The following DUOX2 variants were observed in gnomAD, a reference collection of about 807,000 sequenced individuals.
The protein encoded by DUOX2 is NADH/NADPH thyroid oxidase p138-tox.
Under a neutral mutation model 183.3 loss-of-function variants are expected in DUOX2, and 185 were observed. That is an observed-to-expected ratio of 1.01 (90% confidence interval 0.90 to 1.14). The LOEUF is 1.14. Ranked by LOEUF, DUOX2 falls within the 50% of genes most tolerant of loss-of-function variation. DUOX2 has a pLI of 0.00. For synonymous variants in DUOX2, 788 were observed against 812.4 expected (o/e 0.97, Z 0.51); for missense variants, 1,999 against 2,022.9 (o/e 0.99, Z 0.23).
chr15:45,105,142 G>A (rs1232840343), intron 18 of DUOX2, among the ~76,000 whole-genome samples: 3 of 152,296 alleles, frequency 2.0e-5, no homozygotes, highest in South Asian at 2.1e-4. Flanking sequence ...TTAAATGCCT[G>A]CAACATACCT....
intron 2 of DUOX2, 44 bp from the exon 3 acceptor site, chr15:45,113,120 T>C (rs747395534): frequency 2.5e-6 from 4 of 1,589,714 alleles, no homozygotes; most frequent in Non-Finnish European, 3.4e-6. Context: ...CGCTCCCAGC[T>C]ACCCCTCCCG....
At chr15:45,101,405 C>T in intron 21 of DUOX2, 131 bp from the exon 22 acceptor site, 1 of 824,814 alleles carries the variant, frequency 1.2e-6, no homozygotes, top group Non-Finnish European at 2.0e-6. Context: ...TCCCTCATTC[C>T]CTAGACTAAG....
chr15:45,095,103 G>C lies in DUOX2; in HGVS notation c.4240-12C>G. 1 of 1,612,518 alleles carries C rather than the reference G, an allele frequency of 6.2e-7. No individual in the cohort carries two copies. Among genetic ancestry groups the C allele is most frequent in the East Asian group, 2.2e-5 (1 of 44,862 alleles). On this transcript the variant is annotated splice_polypyrimidine_tract_variant and intron_variant, in intron 31 of 33. Transcript: ENST00000389039. Reference sequence around the variant, plus strand: ...CAGATGAAGTAGATCTGGGGACACAGGGCTGGAGATCAGGACCCAGCTCAG... The same window carrying C: ...CAGATGAAGTAGATCTGGGGACACACGGCTGGAGATCAGGACCCAGCTCAG...
intron 12 of DUOX2, 139 bp from the exon 13 acceptor site, chr15:45,108,361 C>A: frequency 9.7e-7 from 1 of 1,027,292 alleles, no homozygotes; most frequent in East Asian, 2.6e-5. Flanking sequence ...AGGCAAGCCC[C>A]CTCAGGCAGG....
rs199933166 is a variant in DUOX2 at position 45,095,801 on chromosome 15, G to A, written c.4080+27C>T. The A allele has an allele frequency of 6.8e-4, 1,093 of 1,604,298 alleles. 1 individual carries two copies. Among genetic ancestry groups the A allele is most frequent in the Non-Finnish European group, 8.3e-4 (973 of 1,172,134 alleles). ...GATCCTCTGCCAGTGCCAGAGGCCC[G>A]GAAGCAGGGTTCCCAGTGACGGGCA... On this transcript the variant is annotated intron_variant, in intron 30 of 33. Transcript: ENST00000389039.
chr15:45,099,270 A>G (rs1401318301), intron 26 of DUOX2, 113 bp downstream of exon 26: 1 of 898,900 alleles, frequency 1.1e-6, no homozygotes, highest in African/African-American at 1.7e-5. Flanking sequence ...TCGGCCTCCC[A>G]AAGTGCTGGG....
intron 21 of DUOX2, 76 bp from the exon 22 acceptor site, chr15:45,101,350 C>A (rs1724743026): frequency 1.6e-6 from 2 of 1,278,624 alleles, no homozygotes; most frequent in Non-Finnish European, 2.3e-6. Flanking sequence ...GTGCCCTCCT[C>A]CCTTCTGGGA....
chr15:45,112,800 C>A, intron 3 of DUOX2, 82 bp from the exon 4 acceptor site: 1 of 1,592,330 alleles, frequency 6.3e-7, no homozygotes, highest in Non-Finnish European at 8.5e-7. Context: ...CTCCCTCAAC[C>A]CCCATCCCAC....
chr15:45,096,423 C>T (rs1487783697), intron 29 of DUOX2, among the ~76,000 whole-genome samples: 1 of 152,192 alleles, frequency 6.6e-6, no homozygotes, highest in Non-Finnish European at 1.5e-5. Flanking sequence ...CCTTTCTACA[C>T]ACCTCCTGCA....
At position 45,110,121 on chromosome 15, in the gene DUOX2, T is replaced by C. The variant is rs111737855; in HGVS notation, c.1041-141A>G. On this transcript the variant is annotated intron_variant, in intron 9 of 33. Transcript: ENST00000389039. ...TTCCTTGAACACGGCAGAGATTTGG[T>C]GATGTGCGTTTACTGAAGATAGAGT... 23,130 of 826,838 alleles carry C rather than the reference T, an allele frequency of 0.028. 1,209 individuals are homozygous for C. The highest frequency in any genetic ancestry group is 0.18 in the African/African-American group (10,853 of 59,630). The allele number at this position is 826,838 out of a possible 1,614,324, so 51.2% of individuals were successfully genotyped here.
chr15:45,095,875 C>G lies in DUOX2; in HGVS notation c.4033G>C (p.Glu1345Gln). ...TTGCCCTTTGGGGATGAGTAGATCTCCCTGAGGCGAGTGGTCCAGGGCCCC... is the reference window on the plus strand; with the variant it reads ...TTGCCCTTTGGGGATGAGTAGATCTGCCTGAGGCGAGTGGTCCAGGGCCCC... The part of the protein sequence containing the change: ...AVGPWTTRLR[E>Q]IYSSPKGNGC... The change falls in exon 30 of 34, where the codon GAG becomes CAG. Residue 1345 changes from glutamate to glutamine, a missense_variant. Coordinates refer to ENST00000389039, the MANE Select transcript of DUOX2 (RefSeq NM_001363711.2). The G allele has an allele frequency of 6.2e-7, 1 of 1,613,874 alleles. No homozygotes were observed. The highest frequency in any genetic ancestry group is 2.2e-5 in the East Asian group (1 of 44,862).
chr15:45,108,700 G>A, intron 12 of DUOX2, 89 bp downstream of exon 12: 1 of 1,375,130 alleles, frequency 7.3e-7, no homozygotes, highest in South Asian at 1.2e-5. Context: ...TTATTATGTA[G>A]ATTAAATGAG....
intron 17 of DUOX2, 33 bp downstream of exon 17, chr15:45,106,092 C>A (rs766636157): frequency 5.9e-5 from 95 of 1,612,112 alleles, no homozygotes; most frequent in Non-Finnish European, 7.6e-5. Context: ...CGTGTGAGGG[C>A]AGCCCAGGCT....
In DUOX2 at chr15:45,110,730, G is replaced by A. The variant is rs745738379; in HGVS notation, c.883-20C>T. On this transcript the variant is annotated intron_variant, in intron 7 of 33. Transcript: ENST00000389039. ...GATGTTCTGAGGGGCAGAGAGGGGC[G>A]AGGGGAGGCACAAGTTGGATGGTGT... 19 of 1,611,938 alleles carry A rather than the reference G, an allele frequency of 1.2e-5. No individual in the cohort carries two copies. In the Admixed American group the frequency reaches 2.3e-4, roughly 20 times the overall value.
chr15:45,110,575 T>C (rs1328187601), intron 8 of DUOX2, 51 bp from the exon 9 acceptor site: 1 of 1,613,738 alleles, frequency 6.2e-7, no homozygotes, highest in South Asian at 1.1e-5. Context: ...TGCCTCCACA[T>C]CCTCCCATCA....
intron 22 of DUOX2, 79 bp downstream of exon 22, chr15:45,101,126 G>A (rs919996291): frequency 7.6e-7 from 1 of 1,324,118 alleles, no homozygotes; most frequent in Non-Finnish European, 1.1e-6. Context: ...ACCAGGGGCT[G>A]ATCAGCCAGT....
rs139366597 is a variant in DUOX2, at chr15:45,099,535, G to A, written c.3416-53C>T. Reference sequence around the variant, plus strand: ...GCCAACCAGGACAGACTCTACCTCCGATCCTGAGGGAGAGAGGAGGCATAG... The same window carrying A: ...GCCAACCAGGACAGACTCTACCTCCAATCCTGAGGGAGAGAGGAGGCATAG... On this transcript the variant is annotated intron_variant, in intron 25 of 33. Coordinates refer to ENST00000389039, the MANE Select transcript of DUOX2 (RefSeq NM_001363711.2). 3.0e-3 allele frequency: 4,720 copies of A among 1,590,430 alleles called. 53 individuals are homozygous for A. Among genetic ancestry groups the A allele is most frequent in the Admixed American group, 0.024 (1,451 of 59,232 alleles).
At chr15:45,095,755 C>G in intron 30 of DUOX2, 73 bp downstream of exon 30, 1 of 1,555,482 alleles carries the variant, frequency 6.4e-7, no homozygotes, top group African/African-American at 1.4e-5. Context: ...AGCTTCTAGT[C>G]TCAGGATAGG....
At chr15:45,096,729 G>C (rs1893910834) in intron 29 of DUOX2, among the ~76,000 whole-genome samples, 1 of 152,138 alleles carries the variant, frequency 6.6e-6, no homozygotes, top group Non-Finnish European at 1.5e-5. Flanking sequence ...ATTGCAATGA[G>C]ATTAATTTTT....
Sources: gnomAD v4.1 joint callset for allele counts (sites outside exome capture counted in the v4.1 genomes callset) on GRCh38, gnomAD v4.1.1 for gene constraint, MANE v1.5 for transcripts, NCBI Gene and HGNC (gene_info 2026-07-23, HGNC 2026-07-21) for gene names.